ORAI3: variants seen among roughly 807,000 people sequenced by gnomAD.
The protein encoded by ORAI3 is ORAI calcium release-activated calcium modulator 3.
A neutral mutation model predicts 17.2 loss-of-function variants in ORAI3; 15 were observed. The ratio of observed to expected loss-of-function variants is 0.87; its 90% CI spans 0.58 to 1.34. The LOEUF is 1.34. Among genes scored for constraint, ORAI3 ranks in the 40% most tolerant of loss-of-function variants. The pLI is 0.00. For synonymous variants in ORAI3, 178 were observed against 172.4 expected, an observed-to-expected ratio of 1.03 and a Z score of -0.25; for missense variants, 405 against 396.7, an observed-to-expected ratio of 1.02 and a Z score of -0.18.
chr16:30,953,433 C>T lies in ORAI3; in HGVS notation c.477C>T (p.Thr159=), dbSNP rs760133766. 1 of 1,614,256 alleles carries T rather than the reference C, an allele frequency of 6.2e-7. No homozygotes were observed. The highest frequency in any genetic ancestry group is 8.5e-7 in the Non-Finnish European group (1 of 1,180,046). Residue 159 remains threonine, a synonymous_variant, in exon 2 of 2, where the codon ACC becomes ACT. Coordinates refer to ENST00000318663, the MANE Select transcript of ORAI3 (RefSeq NM_152288.3). The part of the protein sequence containing the change: ...LAWGFSTALG[T]FLFLAEVVLV... ...GGGGCTTCTCCACTGCCCTGGGCAC[C>T]TTTCTCTTCCTTGCTGAAGTTGTCC...
Position 30,949,424 on chromosome 16 carries a change from G to GC in ORAI3, c.136dup (p.Leu46ProfsTer42). On this transcript the variant is annotated frameshift_variant, in exon 1 of 2. Transcript: ENST00000318663. LOFTEE classifies it high-confidence loss of function. ...ACCTCATGGGGGCCAGTCAGCACTC[G>GC]CTGCGGGCGCTCAGCTGGCGCCGCC... The GC allele has an allele frequency of 3.1e-6, 5 of 1,605,276 alleles. No individual in the cohort carries two copies. The highest frequency in any genetic ancestry group is 4.2e-6 in the Non-Finnish European group (5 of 1,177,338).
chr16:30,949,794 AGT>A (rs1436380681), intron 1 of ORAI3: 3 of 424,766 alleles, frequency 7.1e-6, no homozygotes, highest in Non-Finnish European at 1.3e-5. Context: ...TGACTGCAAC[AGT>A]GAGGCAGAGT....
intron 1 of ORAI3, among the ~76,000 whole-genome samples, chr16:30,951,733 C>T (rs989569849): frequency 6.6e-6 from 1 of 152,098 alleles, no homozygotes; most frequent in African/African-American, 2.4e-5. Flanking sequence ...AGAGAGACCC[C>T]ATGACCTTTC....
chr16:30,952,696 T>C (rs555782204), intron 1 of ORAI3, among the ~76,000 whole-genome samples: 1 of 151,746 alleles, frequency 6.6e-6, no homozygotes, highest in Non-Finnish European at 1.5e-5. Flanking sequence ...GACAGAGTCT[T>C]GCTCTGTTGC....
At position 30,953,897 on chromosome 16, in the gene ORAI3, AAGAGGCCGCAGGGGCCTAC is replaced by A; in HGVS notation, c.*57_*75del. ...AGCACTGCCTCCCTCCGGGGTCTGT[AAGAGGCCGCAGGGGCCTAC>A]AGACCTCATCCCCCCATCCCCTGGC... On this transcript the variant is annotated 3_prime_UTR_variant, in exon 2 of 2. Coordinates refer to ENST00000318663, the MANE Select transcript of ORAI3 (RefSeq NM_152288.3). The A allele has an allele frequency of 6.4e-6, 10 of 1,556,810 alleles. No homozygotes were observed. Among genetic ancestry groups the A allele is most frequent in the Non-Finnish European group, 8.7e-6 (10 of 1,152,262 alleles).
chr16:30,954,222 G>T lies in ORAI3; in HGVS notation c.*378G>T. 2 of 654,688 alleles carry T rather than the reference G, an allele frequency of 3.1e-6. No individual in the cohort carries two copies. Among genetic ancestry groups the T allele is most frequent in the Non-Finnish European group, 5.5e-6 (2 of 365,028 alleles). The allele number at this position is 654,688 out of a possible 1,614,324, so 40.6% of individuals were successfully genotyped here. ...GAAGGTCAGAAGGCAGCCAATTGTT[G>T]GTTTAATTTTTTTTTTTTTTTGAGA... On this transcript the variant is annotated 3_prime_UTR_variant, in exon 2 of 2. Coordinates refer to ENST00000318663, the MANE Select transcript of ORAI3 (RefSeq NM_152288.3).
chr16:30,949,971 T>C lies in ORAI3; in HGVS notation c.228+454T>C, dbSNP rs563609728. ...GAAGGTGGGCCCGTCCCAGGGAAGG[T>C]GGCCACTCTCCAGCGGGCCCAAGGG... On this transcript the variant is annotated intron_variant, in intron 1 of 1. Coordinates refer to ENST00000318663, the MANE Select transcript of ORAI3 (RefSeq NM_152288.3). 1.5e-3 allele frequency: 242 copies of C among 159,212 alleles called. 1 individual carries two copies. The highest frequency in any genetic ancestry group is 2.8e-3 in the Non-Finnish European group (204 of 72,230). The allele number at this position is 159,212 out of a possible 1,614,324, so 9.9% of individuals were successfully genotyped here.
At chr16:30,951,076 C>G (rs2055922657) in intron 1 of ORAI3, among the ~76,000 whole-genome samples, 2 of 152,186 alleles carry the variant, frequency 1.3e-5, no homozygotes, top group Admixed American at 6.5e-5. Context: ...CACCTCCTGA[C>G]ACCTGCCATG....
rs765901510 is a variant in ORAI3, at chr16:30,949,712, G to A, written c.228+195G>A. ...GTGTGTACAGGGGACCCCAGGAGAC[G>A]GGGCCACCGGAGGACACGAAAGTCC... is the stretch of plus-strand genomic sequence containing the variant. On this transcript the variant is annotated intron_variant, in intron 1 of 1. Coordinates refer to ENST00000318663, the MANE Select transcript of ORAI3 (RefSeq NM_152288.3). 382 of 565,564 alleles carry A rather than the reference G, an allele frequency of 6.8e-4. 2 individuals carry two copies. The highest frequency in any genetic ancestry group is 5.6e-4 in the Admixed American group (16 of 28,552). 35.0% of individuals were successfully genotyped at this position (565,564 alleles called of 1,614,324 possible). A position where few individuals can be genotyped will look rare whatever the true frequency, so the allele number is the denominator to read the frequency against.
At position 30,949,287 on chromosome 16, in the gene ORAI3, A is replaced by G. The variant is rs1412889016; in HGVS notation, c.-3A>G. 2 of 1,378,304 alleles carry G rather than the reference A, an allele frequency of 1.5e-6. No individual in the cohort carries two copies. Among genetic ancestry groups the G allele is most frequent in the Non-Finnish European group, 1.9e-6 (2 of 1,068,242 alleles). The allele number at this position is 1,378,304 out of a possible 1,614,324, so 85.4% of individuals were successfully genotyped here. On this transcript the variant is annotated 5_prime_UTR_variant, in exon 1 of 2. Transcript: ENST00000318663. ...GACCGCCTGGTGCCGCCCCCCCCCCAGGATGAAGGGCGGCGAGGGGGACGC... is the reference window on the plus strand; with the variant it reads ...GACCGCCTGGTGCCGCCCCCCCCCCGGGATGAAGGGCGGCGAGGGGGACGC...
intron 1 of ORAI3, chr16:30,949,859 G>A (rs973249088): frequency 1.8e-5 from 4 of 225,622 alleles, no homozygotes; most frequent in Non-Finnish European, 2.7e-5. Flanking sequence ...CCCAGTGCCA[G>A]CTTCAAAGGC....
Position 30,949,505 on chromosome 16 carries a change from GGGCTTCGCCATGGT to G in ORAI3, c.218_228+3del, listed in dbSNP as rs2055911443. On this transcript the variant is annotated splice_donor_variant and coding_sequence_variant, in exon 1 of 2. Coordinates refer to ENST00000318663, the MANE Select transcript of ORAI3 (RefSeq NM_152288.3). LOFTEE classifies it high-confidence loss of function. ...CCAGCCGCACGTCTGCCTTGCTCTC[GGGCTTCGCCATGGT>G]GAGGGGCCGGGAGGGGTCACACCCG... 2 of 1,595,696 alleles carry G rather than the reference GGGCTTCGCCATGGT, an allele frequency of 1.3e-6. No homozygotes were observed. Among genetic ancestry groups the G allele is most frequent in the Middle Eastern group, 1.8e-4 (1 of 5,648 alleles).
intron 1 of ORAI3, among the ~76,000 whole-genome samples, chr16:30,950,700 T>C (rs9940894): frequency 0.091 from 13,813 of 152,102 alleles, 1,894 homozygotes; most frequent in African/African-American, 0.3. Context: ...TGGTCTTCTA[T>C]GTGGGGTCCC....
intron 1 of ORAI3, among the ~76,000 whole-genome samples, chr16:30,951,297 C>T (rs191558886): frequency 6.6e-6 from 1 of 152,076 alleles, no homozygotes; most frequent in Non-Finnish European, 1.5e-5. Context: ...CAGGCACTGC[C>T]CTCAGTGCCT....
intron 1 of ORAI3, 163 bp downstream of exon 1, chr16:30,949,680 C>T (rs779119669): frequency 9.4e-6 from 6 of 639,262 alleles, no homozygotes; most frequent in East Asian, 3.0e-5. Context: ...TCCCTTCTTA[C>T]GGATGTGTGT....
At position 30,953,950 on chromosome 16, in the gene ORAI3, C is replaced by T. The variant is rs1337780517; in HGVS notation, c.*106C>T. 1 of 1,245,090 alleles carries T rather than the reference C, an allele frequency of 8.0e-7. No individual in the cohort carries two copies. The highest frequency in any genetic ancestry group is 2.5e-5 in the East Asian group (1 of 39,990). The allele number at this position is 1,245,090 out of a possible 1,614,324, so 77.1% of individuals were successfully genotyped here. A position where few individuals can be genotyped will look rare whatever the true frequency, so the allele number is the denominator to read the frequency against. On this transcript the variant is annotated 3_prime_UTR_variant, in exon 2 of 2. Coordinates refer to ENST00000318663, the MANE Select transcript of ORAI3 (RefSeq NM_152288.3). ...TCCCCCCATCCCCTGGCTGGAGCCA[C>T]TTCCAGTGGCCACTCTCAGGCAGAG...
chr16:30,951,499 C>A (rs539718284), intron 1 of ORAI3, among the ~76,000 whole-genome samples: 1 of 152,156 alleles, frequency 6.6e-6, no homozygotes, highest in Non-Finnish European at 1.5e-5. Flanking sequence ...GTCATCAACT[C>A]AAATGTTTGC....
Position 30,949,477 on chromosome 16 carries a change from C to T in ORAI3, c.188C>T (p.Ala63Val). The T allele has an allele frequency of 1.2e-6, 2 of 1,607,148 alleles. No homozygotes were observed. Among genetic ancestry groups the T allele is most frequent in the Non-Finnish European group, 8.5e-7 (1 of 1,178,424 alleles). ...TACCTCAGCCGGGCCAAGCTCAAAG[C>T]TTCCAGCCGCACGTCTGCCTTGCTC... ...RLYLSRAKLK[A>V]SSRTSALLSG... The change falls in exon 1 of 2, where the codon GCT becomes GTT. Residue 63 changes from alanine (A) to valine (V), a missense_variant. Ala to Val is a moderately conservative substitution (Grantham distance 64). Coordinates refer to ENST00000318663, the MANE Select transcript of ORAI3 (RefSeq NM_152288.3).
intron 1 of ORAI3, among the ~76,000 whole-genome samples, chr16:30,950,091 A>G (rs1185438604): frequency 6.6e-6 from 1 of 152,188 alleles, no homozygotes; most frequent in Non-Finnish European, 1.5e-5. Flanking sequence ...AGCGAGTCTC[A>G]AGCTGATAAA....
Sources: allele counts gnomAD v4.1 joint callset (sites outside exome capture counted in the v4.1 genomes callset), GRCh38; gene constraint gnomAD v4.1.1; transcripts MANE v1.5; gene names NCBI Gene and HGNC (gene_info 2026-07-23, HGNC 2026-07-21).